ELP4: variants seen among roughly 807,000 people sequenced by gnomAD.
ELP4 encodes the protein elongator acetyltransferase complex subunit 4.
Under a neutral mutation model 48.9 loss-of-function variants are expected in ELP4, and 51 were observed. The ratio of observed to expected loss-of-function variants is 1.04; its 90% CI spans 0.83 to 1.32. The LOEUF is 1.32. Among genes scored for constraint, ELP4 ranks in the 40% most tolerant of loss-of-function variants. The pLI is 0.00. For missense variants in ELP4, 519 were observed against 514.6 expected (o/e 1.01, Z -0.08); for synonymous variants, 210 against 189.2 (o/e 1.11, Z -0.90).
intron 9 of ELP4, among the ~76,000 whole-genome samples, chr11:31,676,383 C>T (rs1484244253): frequency 6.6e-6 from 1 of 152,164 alleles, no homozygotes; most frequent in Non-Finnish European, 1.5e-5. Flanking sequence ...TCCCATAGCA[C>T]TCACCACCTT....
intron 3 of ELP4, among the ~76,000 whole-genome samples, chr11:31,578,257 G>A (rs1026962205): frequency 6.6e-6 from 1 of 152,116 alleles, no homozygotes; most frequent in Non-Finnish European, 1.5e-5. Context: ...CCTCTTCAAG[G>A]AGAACTACAA....
chr11:31,691,041 G>T (rs1946268630), intron 9 of ELP4, among the ~76,000 whole-genome samples: 2 of 151,924 alleles, frequency 1.3e-5, no homozygotes, highest in African/African-American at 4.8e-5. Context: ...TAATTTAAAT[G>T]ATACCCAGTC....
intron 3 of ELP4, among the ~76,000 whole-genome samples, chr11:31,590,654 A>G (rs545068112): frequency 6.6e-6 from 1 of 152,370 alleles, no homozygotes; most frequent in South Asian, 2.1e-4. Context: ...CAAGCTGTAC[A>G]GAAAGCATAG....
At chr11:31,584,254 AGTT>A (rs1031568224) in intron 3 of ELP4, among the ~76,000 whole-genome samples, 1 of 152,008 alleles carries the variant, frequency 6.6e-6, no homozygotes, top group Non-Finnish European at 1.5e-5. Flanking sequence ...AAATAAAATT[AGTT>A]GTTCTCCACC....
At chr11:31,616,669 A>G (rs981762484) in intron 5 of ELP4, among the ~76,000 whole-genome samples, 8 of 152,088 alleles carry the variant, frequency 5.3e-5, no homozygotes, top group African/African-American at 1.9e-4. Flanking sequence ...TGCAAATTAT[A>G]TATCTCATAA....
At chr11:31,649,929 C>G (rs1945285494) in intron 8 of ELP4, 186 bp from the exon 9 acceptor site, 2 of 413,698 alleles carry the variant, frequency 4.8e-6, no homozygotes, top group Non-Finnish European at 8.6e-6. Context: ...TTCTGTTTAT[C>G]TTATTCTGCT....
intron 9 of ELP4, among the ~76,000 whole-genome samples, chr11:31,724,505 C>T (rs146992444): frequency 5.2e-4 from 79 of 152,286 alleles, no homozygotes; most frequent in African/African-American, 1.9e-3. Context: ...GATAATAAGC[C>T]GTGTAATTCC....
At position 31,509,770 on chromosome 11, in the gene ELP4, A is replaced by C; in HGVS notation, c.-15A>C. The stretch of plus-strand genomic sequence containing the variant: ...TTCCCAGAGTTCCTATTGGGTTAAC[A>C]CTGGAGGCTCTAAGATGGCGGCAGT... On this transcript the variant is annotated 5_prime_UTR_variant, in exon 1 of 10. Coordinates refer to ENST00000640961, the MANE Select transcript of ELP4 (RefSeq NM_019040.5). 1 of 1,613,256 alleles carries C rather than the reference A, an allele frequency of 6.2e-7. No homozygotes were observed. The highest frequency in any genetic ancestry group is 8.5e-7 in the Non-Finnish European group (1 of 1,179,602).
intron 3 of ELP4, among the ~76,000 whole-genome samples, chr11:31,548,631 A>T (rs1364504764): frequency 6.6e-6 from 1 of 152,168 alleles, no homozygotes; most frequent in South Asian, 2.1e-4. Flanking sequence ...ATTGGAAAAA[A>T]CTACTTTAAA....
At chr11:31,706,668 C>T (rs982895180) in intron 9 of ELP4, among the ~76,000 whole-genome samples, 2 of 150,374 alleles carry the variant, frequency 1.3e-5, no homozygotes, top group East Asian at 1.9e-4. Context: ...AAAAAAAGAA[C>T]ACTATAACTT....
intron 4 of ELP4, among the ~76,000 whole-genome samples, chr11:31,601,727 T>C (rs936781235): frequency 6.6e-6 from 1 of 152,092 alleles, no homozygotes. Flanking sequence ...AAGTGAAAAG[T>C]CTCTTTCTTT....
intron 2 of ELP4, among the ~76,000 whole-genome samples, chr11:31,524,108 TA>T (rs1956257645): frequency 6.6e-6 from 1 of 152,210 alleles, no homozygotes; most frequent in African/African-American, 2.4e-5. Context: ...TTTGGATAAT[TA>T]AACCTATTAT....
intron 9 of ELP4, among the ~76,000 whole-genome samples, chr11:31,675,275 T>C (rs1468175252): frequency 6.6e-6 from 1 of 152,052 alleles, no homozygotes; most frequent in Non-Finnish European, 1.5e-5. Context: ...AATCTTTTTT[T>C]TTTTTTGAGA....
Position 31,524,234 on chromosome 11 carries a change from C to A in ELP4, c.259+4143C>A, listed in dbSNP as rs191163607. ...TTTCTGTAGGTCAGGAATCTAAGCA[C>A]ACTCCCACGGAGTCCTCAGCAAGCC... On this transcript the variant is annotated intron_variant, in intron 2 of 9. Transcript: ENST00000640961. Among the ~76,000 whole-genome samples the A allele has an allele frequency of 9.9e-4, 150 of 152,218 alleles. 2 individuals carry two copies. The highest frequency in any genetic ancestry group is 3.2e-3 in the African/African-American group (135 of 41,552).
At chr11:31,746,045 G>GA (rs1385368148) in intron 9 of ELP4, among the ~76,000 whole-genome samples, 1 of 151,838 alleles carries the variant, frequency 6.6e-6, no homozygotes, top group African/African-American at 2.4e-5. Flanking sequence ...AAATTTACAA[G>GA]AAAAAAACAA....
rs200928499 is a variant in ELP4 at position 31,781,536 on chromosome 11, A to G, written c.1144-1857A>G. ...TTTTTTTTGGACAGAGTCTTGCTCT[A>G]TTGCCAGACTGGAGTGCTGTGGCAC... On this transcript the variant is annotated intron_variant, in intron 9 of 9. Transcript: ENST00000640961. 1.2e-4 allele frequency among the ~76,000 whole-genome samples: 12 copies of G among 98,590 alleles called. No individual in the cohort carries two copies. The East Asian group carries it at 3.0e-3, about 25-fold the overall frequency. The allele number at this position is 98,590 out of a possible 152,430, so 64.7% of individuals were successfully genotyped here.
At chr11:31,754,863 C>A (rs1299309034) in intron 9 of ELP4, among the ~76,000 whole-genome samples, 1 of 152,108 alleles carries the variant, frequency 6.6e-6, no homozygotes, top group East Asian at 1.9e-4. Context: ...CAGAGCAAGA[C>A]TCTATGTCAA....
chr11:31,760,306 C>T (rs1229100789), intron 9 of ELP4, among the ~76,000 whole-genome samples: 1 of 152,164 alleles, frequency 6.6e-6, no homozygotes, highest in East Asian at 1.9e-4. Context: ...CATGTCACCA[C>T]GTTAAATCTA....
chr11:31,656,040 GA>G (rs1438061530), intron 9 of ELP4, among the ~76,000 whole-genome samples: 1 of 151,898 alleles, frequency 6.6e-6, no homozygotes, highest in Non-Finnish European at 1.5e-5. Context: ...CACTTTGGAA[GA>G]AAAAACATTT....
Sources: allele counts gnomAD v4.1 joint callset (sites outside exome capture counted in the v4.1 genomes callset), GRCh38; gene constraint gnomAD v4.1.1; transcripts MANE v1.5; gene names NCBI Gene and HGNC (gene_info 2026-07-23, HGNC 2026-07-21).